The following HCN1 variants were observed in gnomAD, a reference collection of about 807,000 sequenced individuals.
HCN1 encodes potassium/sodium hyperpolarization-activated cyclic nucleotide-gated channel 1.
Under a neutral mutation model 78.9 loss-of-function variants are expected in HCN1, and 13 were observed. That is an observed-to-expected ratio of 0.16 (90% CI 0.11 to 0.26). The LOEUF (loss-of-function observed/expected upper bound fraction) is 0.26. Among genes scored for constraint, HCN1 ranks in the 10% least tolerant of loss-of-function variants. The pLI, the probability that HCN1 is intolerant of heterozygous loss-of-function variation, is 1.00. For missense variants in HCN1, 810 were observed against 1,154.3 expected, an observed-to-expected ratio of 0.70 and a Z score of 4.32; for synonymous variants, 552 against 455.5, an observed-to-expected ratio of 1.21 and a Z score of -2.70.
intron 2 of HCN1, chr5:45,559,681 G>A (rs913088484): frequency 6.6e-6 from 1 of 152,186 alleles, no homozygotes; most frequent in African/African-American, 2.4e-5. Context: ...TGTGAACATT[G>A]TTGAAATGAG....
intron 6 of HCN1, among the ~76,000 whole-genome samples, chr5:45,292,814 C>T (rs1337439591): frequency 6.6e-6 from 1 of 151,996 alleles, no homozygotes; most frequent in East Asian, 1.9e-4. Context: ...ATCCATCATT[C>T]TTCTACCCAT....
At chr5:45,412,640 G>T (rs1171673894) in intron 3 of HCN1, among the ~76,000 whole-genome samples, 3 of 151,998 alleles carry the variant, frequency 2.0e-5, no homozygotes, top group Non-Finnish European at 4.4e-5. Context: ...AATGTCTCTG[G>T]AAGGCTGTTA....
chr5:45,374,436 C>G (rs1038985508), intron 4 of HCN1, among the ~76,000 whole-genome samples: 1 of 147,860 alleles, frequency 6.8e-6, no homozygotes, highest in Non-Finnish European at 1.5e-5. Context: ...TACAACCTCC[C>G]AAGACTGAAT....
intron 6 of HCN1, among the ~76,000 whole-genome samples, chr5:45,288,784 G>T (rs1232370092): frequency 2.0e-5 from 3 of 152,028 alleles, no homozygotes; most frequent in Non-Finnish European, 4.4e-5. Flanking sequence ...CACAGTTCTA[G>T]CAATTTGGAC....
chr5:45,493,066 T>G (rs1455873981), intron 2 of HCN1, among the ~76,000 whole-genome samples: 2 of 152,078 alleles, frequency 1.3e-5, no homozygotes, highest in Admixed American at 6.6e-5. Context: ...GTAGACTATT[T>G]CTCATACAAA....
At chr5:45,364,227 C>T (rs186543677) in intron 4 of HCN1, among the ~76,000 whole-genome samples, 195 of 152,118 alleles carry the variant, frequency 1.3e-3, no homozygotes, top group South Asian at 2.7e-3. Context: ...TTTCACCTTA[C>T]GTATTTTCCT....
intron 5 of HCN1, among the ~76,000 whole-genome samples, chr5:45,305,222 A>C (rs890598774): frequency 6.6e-6 from 1 of 152,182 alleles, no homozygotes; most frequent in Non-Finnish European, 1.5e-5. Flanking sequence ...AGACTGAGAA[A>C]GAAGGTTTCT....
intron 5 of HCN1, among the ~76,000 whole-genome samples, chr5:45,352,451 C>G (rs1441527624): frequency 6.6e-6 from 1 of 151,856 alleles, no homozygotes; most frequent in Non-Finnish European, 1.5e-5. Context: ...GTGCAGCACA[C>G]CAGCATCGCA....
chr5:45,654,529 C>T lies in HCN1; in HGVS notation c.426-8921G>A, dbSNP rs1438002207. On this transcript the variant is annotated intron_variant, in intron 1 of 7. Transcript: ENST00000303230. ...GCAAAAATACTGTCAGTGGTCATGT[C>T]GTTCTCAACAAAAATGTATTCTAGT... Among the ~76,000 whole-genome samples the T allele has an allele frequency of 2.0e-5, 3 of 152,126 alleles. No homozygotes were observed. In the East Asian group the frequency reaches 5.8e-4, roughly 29 times the overall value.
intron 2 of HCN1, among the ~76,000 whole-genome samples, chr5:45,475,022 C>A (rs1265606249): frequency 6.6e-6 from 1 of 151,766 alleles, no homozygotes. Context: ...TTTTGAAAAC[C>A]TGAATGATTT....
intron 2 of HCN1, among the ~76,000 whole-genome samples, chr5:45,549,097 A>T (rs1266755924): frequency 6.6e-6 from 1 of 151,992 alleles, no homozygotes; most frequent in African/African-American, 2.4e-5. Context: ...ATTCAATGCC[A>T]TCCCCATCAA....
chr5:45,346,666 C>T (rs1391292767), intron 5 of HCN1, among the ~76,000 whole-genome samples: 1 of 152,178 alleles, frequency 6.6e-6, no homozygotes, highest in Non-Finnish European at 1.5e-5. Flanking sequence ...CACCCTAATA[C>T]TGCGCTTTTC....
intron 2 of HCN1, among the ~76,000 whole-genome samples, chr5:45,467,208 C>A (rs886727464): frequency 2.6e-4 from 40 of 152,110 alleles, no homozygotes; most frequent in Admixed American, 2.0e-3. Flanking sequence ...CCACCTTCCC[C>A]TCCCCAAAGA....
At chr5:45,491,352 C>T (rs1741880935) in intron 2 of HCN1, among the ~76,000 whole-genome samples, 1 of 152,024 alleles carries the variant, frequency 6.6e-6, no homozygotes, top group Non-Finnish European at 1.5e-5. Flanking sequence ...CAATTGGTGT[C>T]CATACTCCAA....
chr5:45,341,466 A>T (rs1746579478), intron 5 of HCN1, among the ~76,000 whole-genome samples: 1 of 152,058 alleles, frequency 6.6e-6, no homozygotes, highest in South Asian at 2.1e-4. Context: ...AACAAATGTG[A>T]TAAATATCCT....
At chr5:45,399,875 G>C (rs1463961532) in intron 3 of HCN1, among the ~76,000 whole-genome samples, 1 of 151,990 alleles carries the variant, frequency 6.6e-6, no homozygotes, top group Non-Finnish European at 1.5e-5. Flanking sequence ...TTTAACACAA[G>C]AAAATTAGTT....
chr5:45,345,247 G>C (rs912362115), intron 5 of HCN1, among the ~76,000 whole-genome samples: 1 of 152,160 alleles, frequency 6.6e-6, no homozygotes, highest in African/African-American at 2.4e-5. Context: ...GGCAGCCTGT[G>C]GGCCCAGCTC....
chr5:45,302,426 G>A (rs901312214), intron 6 of HCN1, among the ~76,000 whole-genome samples: 9 of 151,884 alleles, frequency 5.9e-5, no homozygotes, highest in Admixed American at 2.0e-4. Flanking sequence ...TAAATTACAC[G>A]GTCTCAGGTA....
At chr5:45,352,410 A>T (rs1185334392) in intron 5 of HCN1, among the ~76,000 whole-genome samples, 1 of 151,880 alleles carries the variant, frequency 6.6e-6, no homozygotes, top group African/African-American at 2.4e-5. Context: ...GCATTAGGAG[A>T]TATACCTAAT....
Sources: gnomAD v4.1 joint callset for allele counts (sites outside exome capture counted in the v4.1 genomes callset) on GRCh38, gnomAD v4.1.1 for gene constraint, MANE v1.5 for transcripts, NCBI Gene and HGNC (gene_info 2026-07-23, HGNC 2026-07-21) for gene names.